Variants in SCARA5 observed in about 807,000 individuals in gnomAD.
The protein encoded by SCARA5 is scavenger receptor class A, member 5 (putative).
Under a neutral mutation model 46.3 loss-of-function variants are expected in SCARA5, and 45 were observed. That is an observed-to-expected ratio of 0.97 (90% confidence interval 0.76 to 1.24). SCARA5 has a LOEUF of 1.24. SCARA5 is among the 50% of genes most tolerant of loss of function. The probability of loss-of-function intolerance (pLI) is 0.00; values close to 1 mark genes in which losing one functional copy is unlikely to be tolerated. For missense variants in SCARA5, 680 were observed against 689.0 expected (o/e 0.99, Z 0.15); for synonymous variants, 333 against 306.5 (o/e 1.09, Z -0.90).
At chr8:27,975,696 G>GT (rs143321203) in intron 2 of SCARA5, among the ~76,000 whole-genome samples, 25,359 of 151,412 alleles carry the variant, frequency 0.17, 2,634 homozygotes, top group Non-Finnish European at 0.24. Flanking sequence ...AAACATTTTG[G>GT]TTTTTTTTTC....
intron 2 of SCARA5, among the ~76,000 whole-genome samples, chr8:27,976,992 C>A (rs993996937): frequency 6.6e-6 from 1 of 152,230 alleles, no homozygotes; most frequent in Non-Finnish European, 1.5e-5. Context: ...CAAAGTACCA[C>A]AGCCAGGGTG....
intron 3 of SCARA5, among the ~76,000 whole-genome samples, chr8:27,935,991 G>T (rs1174826203): frequency 6.6e-6 from 1 of 152,114 alleles, no homozygotes; most frequent in African/African-American, 2.4e-5. Flanking sequence ...AGCTCAGCAG[G>T]AAACATAAGA....
intron 7 of SCARA5, among the ~76,000 whole-genome samples, chr8:27,892,351 G>A (rs4437606): frequency 0.059 from 8,917 of 152,202 alleles, 341 homozygotes; most frequent in Non-Finnish European, 0.086. Context: ...GAAATGACCC[G>A]GATGAGTCTC....
At chr8:27,893,210 C>A (rs1807014200) in intron 7 of SCARA5, among the ~76,000 whole-genome samples, 1 of 152,150 alleles carries the variant, frequency 6.6e-6, no homozygotes, top group Admixed American at 6.5e-5. Context: ...GGGCTTGGTT[C>A]CTGGCTCCTT....
intron 3 of SCARA5, among the ~76,000 whole-genome samples, chr8:27,929,199 C>T (rs891692234): frequency 6.6e-6 from 1 of 152,192 alleles, no homozygotes; most frequent in Non-Finnish European, 1.5e-5. Context: ...TGGCTTGCCC[C>T]TGCACATCCA....
intron 4 of SCARA5, among the ~76,000 whole-genome samples, chr8:27,913,257 C>T (rs1025057043): frequency 6.6e-6 from 1 of 152,100 alleles, no homozygotes; most frequent in Admixed American, 6.5e-5. Context: ...AAGGTGGGCA[C>T]CAATTCCCAA....
At chr8:27,908,595 G>A (rs1807311870) in intron 5 of SCARA5, among the ~76,000 whole-genome samples, 2 of 152,212 alleles carry the variant, frequency 1.3e-5, no homozygotes, top group Admixed American at 6.5e-5. Flanking sequence ...GAAGAAGACA[G>A]GTTTCTCGGA....
intron 2 of SCARA5, among the ~76,000 whole-genome samples, chr8:27,973,868 G>A (rs1017407027): frequency 2.6e-5 from 4 of 152,306 alleles, no homozygotes; most frequent in East Asian, 1.9e-4. Flanking sequence ...AGGACACATC[G>A]AAAATGGGGT....
chr8:27,871,875 C>T lies in SCARA5; in HGVS notation c.*59G>A. ...CAGGGTGGCCCCGAGCTGTGCCCCA[C>T]CCCAGGGATGCAGGAAGGGTGCTCT... On this transcript the variant is annotated 3_prime_UTR_variant, in exon 9 of 9. Transcript: ENST00000354914. The T allele has an allele frequency of 6.2e-7, 1 of 1,610,046 alleles. No homozygotes were observed. The highest frequency in any genetic ancestry group is 8.5e-7 in the Non-Finnish European group (1 of 1,178,242).
intron 4 of SCARA5, among the ~76,000 whole-genome samples, chr8:27,917,750 T>C (rs1291553503): frequency 6.6e-6 from 1 of 152,202 alleles, no homozygotes; most frequent in African/African-American, 2.4e-5. Context: ...TCATTATAGG[T>C]CATAATTCAC....
At position 27,903,058 on chromosome 8, in the gene SCARA5, G is replaced by A. The variant is rs887112559; in HGVS notation, c.1153+1720C>T. Among the ~76,000 whole-genome samples, 3 of 152,290 alleles carry A rather than the reference G, an allele frequency of 2.0e-5. No homozygotes were observed. The South Asian group carries it at 6.2e-4, about 32-fold the overall frequency. ...CCTGAATCATGCCTCAGGGAGGGGA[G>A]GGCAGGGCAGAGAGAAAGCAGGGGC... On this transcript the variant is annotated intron_variant, in intron 7 of 8. Coordinates refer to ENST00000354914, the MANE Select transcript of SCARA5 (RefSeq NM_173833.6).
At chr8:27,989,097 TTTC>T (rs1241164640) in intron 1 of SCARA5, among the ~76,000 whole-genome samples, 3 of 150,468 alleles carry the variant, frequency 2.0e-5, no homozygotes, top group Non-Finnish European at 4.4e-5. Flanking sequence ...CCGTATTTTC[TTTC>T]TTCTTTTTTT....
intron 8 of SCARA5, among the ~76,000 whole-genome samples, chr8:27,873,802 G>A (rs1425179129): frequency 6.6e-6 from 1 of 152,212 alleles, no homozygotes; most frequent in Non-Finnish European, 1.5e-5. Context: ...AGGGCAGATC[G>A]TTGAGATCAG....
At chr8:27,901,502 G>A (rs1807153558) in intron 7 of SCARA5, among the ~76,000 whole-genome samples, 1 of 152,172 alleles carries the variant, frequency 6.6e-6, no homozygotes, top group South Asian at 2.1e-4. Flanking sequence ...CACCATGTCT[G>A]TCAGAATTTC....
intron 5 of SCARA5, among the ~76,000 whole-genome samples, chr8:27,907,566 CA>C (rs1191625402): frequency 9.8e-5 from 11 of 112,656 alleles, no homozygotes; most frequent in African/African-American, 3.7e-4. Context: ...TTAGAATCAG[CA>C]AACACTTTTT....
intron 3 of SCARA5, among the ~76,000 whole-genome samples, chr8:27,946,656 CTCTA>C (rs1808042353): frequency 6.6e-6 from 1 of 152,202 alleles, no homozygotes; most frequent in South Asian, 2.1e-4. Context: ...GCTAATTTGG[CTCTA>C]TCTAAGGGTA....
intron 3 of SCARA5, among the ~76,000 whole-genome samples, chr8:27,925,156 C>G (rs979204755): frequency 6.6e-6 from 1 of 152,100 alleles, no homozygotes; most frequent in Admixed American, 6.5e-5. Context: ...TCACATGGAA[C>G]CAAAAAAGAG....
chr8:27,982,349 G>A (rs1008188227), intron 2 of SCARA5, among the ~76,000 whole-genome samples: 3 of 149,470 alleles, frequency 2.0e-5, no homozygotes, highest in Non-Finnish European at 3.0e-5. Flanking sequence ...GCTGCATATC[G>A]GGGAAACCAA....
At chr8:27,904,516 G>C in intron 7 of SCARA5, 1 of 557,596 alleles carries the variant, frequency 1.8e-6, no homozygotes. Context: ...AGCTGGGCTA[G>C]CGAGTGACCG....
Sources: gnomAD v4.1 joint callset for allele counts (sites outside exome capture counted in the v4.1 genomes callset) on GRCh38, gnomAD v4.1.1 for gene constraint, MANE v1.5 for transcripts, NCBI Gene and HGNC (gene_info 2026-07-23, HGNC 2026-07-21) for gene names.